CNN3: variants seen among roughly 807,000 people sequenced by gnomAD.
The protein encoded by CNN3 is calponin 3, also known as calponin-3.
In CNN3, 11 loss-of-function variants were observed where a neutral mutation model predicts 39.0. The observed-to-expected ratio is 0.28, with a 90% CI of 0.18 to 0.47. The LOEUF (loss-of-function observed/expected upper bound fraction) is 0.47. Among genes scored for constraint, CNN3 ranks in the 20% least tolerant of loss-of-function variants. The probability of loss-of-function intolerance (pLI) is 0.99; values close to 1 mark genes in which losing one functional copy is unlikely to be tolerated. For missense variants in CNN3, 266 were observed against 403.4 expected (o/e 0.66, Z 2.92); for synonymous variants, 101 against 138.3 (o/e 0.73, Z 1.89).
intron 1 of CNN3, among the ~76,000 whole-genome samples, chr1:94,911,362 T>C (rs1429591176): frequency 6.6e-6 from 1 of 152,200 alleles, no homozygotes; most frequent in Non-Finnish European, 1.5e-5. Context: ...TGTCTTCAGA[T>C]CAAGGTATCA....
rs1671590947 is a variant in CNN3 at position 94,926,642 on chromosome 1, C to T, written c.57+196G>A. Among the ~76,000 whole-genome samples the T allele has an allele frequency of 6.6e-6, 1 of 152,152 alleles. No individual in the cohort carries two copies. The highest frequency in any genetic ancestry group is 2.4e-5 in the African/African-American group (1 of 41,462). On this transcript the variant is annotated intron_variant, in intron 1 of 6. Transcript: ENST00000370206. The surrounding 1 kb of genome is among the most constrained non-coding windows in gnomAD (Gnocchi z 4.2). ...CCCACGGCGCGGGAACAAAGCCAGG[C>T]GGGTGCCCGGGAGCCGGCCCCGCAA...
intron 6 of CNN3, 106 bp downstream of exon 6, chr1:94,899,265 G>T: frequency 8.3e-7 from 1 of 1,197,990 alleles, no homozygotes; most frequent in South Asian, 2.0e-5. Flanking sequence ...CATTCCTGAA[G>T]GAATATACTC....
chr1:94,916,998 T>A (rs140319508), intron 1 of CNN3, among the ~76,000 whole-genome samples: 1 of 152,314 alleles, frequency 6.6e-6, no homozygotes, highest in Non-Finnish European at 1.5e-5. Context: ...TTTGATAAGA[T>A]ATCATTTTAA....
chr1:94,902,989 T>C, intron 3 of CNN3, 133 bp downstream of exon 3: 1 of 589,466 alleles, frequency 1.7e-6, no homozygotes, highest in Non-Finnish European at 2.8e-6. Flanking sequence ...TCTGCTACAA[T>C]GTCTATGTAA....
Position 94,897,263 on chromosome 1 carries a change from G to C in CNN3, c.*479C>G, listed in dbSNP as rs1670747086. On this transcript the variant is annotated 3_prime_UTR_variant, in exon 7 of 7. Transcript: ENST00000370206. ...TAGCAAACAATACTGTAGAAACATT[G>C]ATATGTAAATTTCTAAAATGCTGCA... 1 of 154,608 alleles carries C rather than the reference G, an allele frequency of 6.5e-6. No homozygotes were observed. The highest frequency in any genetic ancestry group is 2.5e-5 in the African/African-American group (1 of 40,672). The allele number at this position is 154,608 out of a possible 1,614,324, so 9.6% of individuals were successfully genotyped here.
At chr1:94,907,075 G>A (rs1218389012) in intron 1 of CNN3, among the ~76,000 whole-genome samples, 1 of 152,156 alleles carries the variant, frequency 6.6e-6, no homozygotes, top group Non-Finnish European at 1.5e-5. Context: ...ACCAATGAGT[G>A]GTTGTGGGGG....
intron 1 of CNN3, among the ~76,000 whole-genome samples, chr1:94,904,104 T>TA (rs1382851343): frequency 2.0e-5 from 3 of 152,212 alleles, no homozygotes; most frequent in Non-Finnish European, 2.9e-5. Flanking sequence ...GTCTCTATCC[T>TA]ATTAGACTTC....
chr1:94,923,232 G>A (rs143298306), intron 1 of CNN3, among the ~76,000 whole-genome samples: 4 of 152,202 alleles, frequency 2.6e-5, no homozygotes, highest in East Asian at 1.9e-4. Flanking sequence ...CATGGTTTAC[G>A]AGGCACAGAG....
At chr1:94,916,231 C>T (rs1251216427) in intron 1 of CNN3, among the ~76,000 whole-genome samples, 1 of 152,114 alleles carries the variant, frequency 6.6e-6, no homozygotes, top group Non-Finnish European at 1.5e-5. Context: ...ACGGTAAAAC[C>T]CTGTCTCTAC....
chr1:94,897,843 C>G lies in CNN3; in HGVS notation c.889G>C (p.Asp297His). 6.2e-7 allele frequency: 1 copy of G among 1,614,118 alleles called. No individual in the cohort carries two copies. Among genetic ancestry groups the G allele is most frequent in the Middle Eastern group, 1.6e-4 (1 of 6,062 alleles). Residue 297 changes from aspartate to histidine, a missense_variant, in exon 7 of 7, where the codon GAT becomes CAT. Asp to His is a moderately conservative substitution (Grantham distance 81). Transcript: ENST00000370206. Reference protein sequence around the residue: ...GTGTNGSEISDSDYQAEYPDE... With the variant: ...GTGTNGSEISHSDYQAEYPDE... Reference sequence around the variant, plus strand: ...GGGTATTCTGCCTGATAATCACTATCACTGATTTCCGAACCATTTGTTCCT... The same window carrying G: ...GGGTATTCTGCCTGATAATCACTATGACTGATTTCCGAACCATTTGTTCCT...
At chr1:94,907,642 T>C (rs529919507) in intron 1 of CNN3, among the ~76,000 whole-genome samples, 13 of 152,306 alleles carry the variant, frequency 8.5e-5, no homozygotes, top group South Asian at 4.1e-4. Flanking sequence ...GGGCAGATCG[T>C]GAGGTCAGGA....
chr1:94,903,753 T>C lies in CNN3; in HGVS notation c.58-229A>G, dbSNP rs145786099. 3.0e-4 allele frequency among the ~76,000 whole-genome samples: 46 copies of C among 152,272 alleles called. No homozygotes were observed. The East Asian group carries it at 7.5e-3, about 25-fold the overall frequency. Reference sequence around the variant, plus strand: ...AATTTTGAACAGACCATGGAGAGGCTGGGACTGACAAGGAGAGAACATCAA... The same window carrying C: ...AATTTTGAACAGACCATGGAGAGGCCGGGACTGACAAGGAGAGAACATCAA... On this transcript the variant is annotated intron_variant, in intron 1 of 6. Coordinates refer to ENST00000370206, the MANE Select transcript of CNN3 (RefSeq NM_001839.5).
intron 6 of CNN3, 142 bp from the exon 7 acceptor site, chr1:94,898,225 CAAAATAT>C: frequency 2.6e-6 from 2 of 775,138 alleles, no homozygotes; most frequent in Non-Finnish European, 4.0e-6. Context: ...CTAGCTTAAC[CAAAATAT>C]CCTGATACCG....
intron 1 of CNN3, among the ~76,000 whole-genome samples, chr1:94,922,143 G>T (rs967105496): frequency 6.6e-6 from 1 of 152,150 alleles, no homozygotes; most frequent in Non-Finnish European, 1.5e-5. Flanking sequence ...GGCTAGGAAT[G>T]GTGGCTCACA....
Position 94,926,743 on chromosome 1 carries a change from GAGCCAC to G in CNN3, c.57+89_57+94del, listed in dbSNP as rs1671594066. On this transcript the variant is annotated intron_variant, in intron 1 of 6. Coordinates refer to ENST00000370206, the MANE Select transcript of CNN3 (RefSeq NM_001839.5). The surrounding 1 kb of genome is among the most constrained non-coding windows in gnomAD (Gnocchi z 4.2). ...GACGGCCCCTCTCCAGGAAAACGGT[GAGCCAC>G]AGCGCGAAGAGCAAACGAAGCACGG... 16 of 1,363,496 alleles carry G rather than the reference GAGCCAC, an allele frequency of 1.2e-5. No homozygotes were observed. The highest frequency in any genetic ancestry group is 1.6e-5 in the Non-Finnish European group (16 of 978,494). 84.5% of individuals were successfully genotyped at this position (1,363,496 alleles called of 1,614,324 possible).
rs763670223 is a variant in CNN3, at chr1:94,902,104, T to C, written c.384+17A>G. Reference sequence around the variant, plus strand: ...TGGTGGGAATCTGTTAACCAGCCATTAAAGACATGTACGTACCAGACCTGC... The same window carrying C: ...TGGTGGGAATCTGTTAACCAGCCATCAAAGACATGTACGTACCAGACCTGC... On this transcript the variant is annotated intron_variant, in intron 4 of 6. Transcript: ENST00000370206. 3.7e-6 allele frequency: 6 copies of C among 1,600,590 alleles called. No homozygotes were observed. The highest frequency in any genetic ancestry group is 5.1e-6 in the Non-Finnish European group (6 of 1,168,958).
At chr1:94,909,656 CA>C (rs1400629918) in intron 1 of CNN3, among the ~76,000 whole-genome samples, 4 of 152,212 alleles carry the variant, frequency 2.6e-5, no homozygotes, top group African/African-American at 9.6e-5. Context: ...AGAGCAGATA[CA>C]AGCCTACCAG....
chr1:94,897,683 A>C lies in CNN3; in HGVS notation c.*59T>G. The C allele has an allele frequency of 6.9e-7, 1 of 1,457,190 alleles. No individual in the cohort carries two copies. The highest frequency in any genetic ancestry group is 9.5e-7 in the Non-Finnish European group (1 of 1,057,250). The allele number at this position is 1,457,190 out of a possible 1,614,324, so 90.3% of individuals were successfully genotyped here. On this transcript the variant is annotated 3_prime_UTR_variant, in exon 7 of 7. Transcript: ENST00000370206. Reference sequence around the variant, plus strand: ...GACAAGATAAAAATTACTCAAGGCTAGCTTGGTTCTCACTGAATAAAAACA... The same window carrying C: ...GACAAGATAAAAATTACTCAAGGCTCGCTTGGTTCTCACTGAATAAAAACA...
rs541933090 is a variant in CNN3, at chr1:94,914,858, A to G, written c.58-11334T>C. Among the ~76,000 whole-genome samples the G allele has an allele frequency of 3.3e-5, 5 of 152,234 alleles. No individual in the cohort carries two copies. In the South Asian group the frequency reaches 1.0e-3, roughly 32 times the overall value. Reference sequence around the variant, plus strand: ...GAAAATGAGAAAATATGACATTTCCATTACAAAGTAGGATAGAATTTCCCA... The same window carrying G: ...GAAAATGAGAAAATATGACATTTCCGTTACAAAGTAGGATAGAATTTCCCA... On this transcript the variant is annotated intron_variant, in intron 1 of 6. Transcript: ENST00000370206.
Sources: gnomAD v4.1 joint callset for allele counts (sites outside exome capture counted in the v4.1 genomes callset) on GRCh38, gnomAD v4.1.1 for gene constraint, Gnocchi (gnomAD v3.1) non-coding constraint, MANE v1.5 for transcripts, NCBI Gene and HGNC (gene_info 2026-07-23, HGNC 2026-07-21) for gene names.